Variants in CAST observed in about 807,000 individuals in gnomAD.
CAST encodes MIR583 host.
CAST carries 76 observed loss-of-function variants against 119.6 expected under a neutral mutation model. The observed-to-expected ratio is 0.64, with a 90% CI of 0.53 to 0.77. The LOEUF is 0.77. Among genes scored for constraint, CAST ranks in the 30% least tolerant of loss-of-function variants. The pLI is 0.00. For synonymous variants in CAST, 319 were observed against 331.6 expected (o/e 0.96, Z 0.41); for missense variants, 953 against 946.5 (o/e 1.01, Z -0.09).
At chr5:96,177,637 A>G in the CAST span, among the ~76,000 whole-genome samples, 1 of 152,214 alleles carries the variant, frequency 6.6e-6, no homozygotes, top group Non-Finnish European at 1.5e-5. Flanking sequence ...TGTGGCATCT[A>G]GTCAGCTCAT....
chr5:96,577,149 T>G (rs1746687292), intron 1 of CAST, among the ~76,000 whole-genome samples: 1 of 152,132 alleles, frequency 6.6e-6, no homozygotes, highest in African/African-American at 2.4e-5. Flanking sequence ...ATGTCCCAGT[T>G]TGTGGTTTTT....
the CAST span, among the ~76,000 whole-genome samples, chr5:96,310,724 A>G: frequency 6.6e-6 from 1 of 151,066 alleles, no homozygotes; most frequent in Non-Finnish European, 1.5e-5. Context: ...TTGGCATATA[A>G]TTGTTCTTTT....
intron 22 of CAST, among the ~76,000 whole-genome samples, chr5:96,756,001 A>AAGG (rs1766235129): frequency 6.6e-6 from 1 of 152,162 alleles, no homozygotes; most frequent in South Asian, 2.1e-4. Context: ...AGTAGTGTTT[A>AAGG]AGGAAGCAGT....
the CAST span, among the ~76,000 whole-genome samples, chr5:96,243,084 A>G: frequency 6.6e-5 from 10 of 152,090 alleles, no homozygotes; most frequent in Non-Finnish European, 1.0e-4. Flanking sequence ...TTTCTGTGTT[A>G]GGCAGAACAC....
At chr5:96,394,922 G>T in the CAST span, 2 of 1,614,124 alleles carry the variant, frequency 1.2e-6, no homozygotes, top group Non-Finnish European at 1.7e-6. Context: ...AGTGTTGTAG[G>T]ACGTGTACAC....
the CAST span, among the ~76,000 whole-genome samples, chr5:96,078,796 G>C: frequency 6.6e-6 from 1 of 152,142 alleles, no homozygotes; most frequent in East Asian, 1.9e-4. Context: ...TGACATGGAT[G>C]GAGCTGGAAA....
the CAST span, among the ~76,000 whole-genome samples, chr5:96,131,535 G>C: frequency 6.6e-6 from 1 of 152,116 alleles, no homozygotes; most frequent in Admixed American, 6.6e-5. Flanking sequence ...AAATGGCAGA[G>C]CTGCAGCAAT....
upstream of CAST, among the ~76,000 whole-genome samples, chr5:96,522,140 G>T (rs80008366): frequency 6.6e-6 from 1 of 151,914 alleles, no homozygotes; most frequent in Non-Finnish European, 1.5e-5. Flanking sequence ...ACTAGAGAAA[G>T]GTCAAACCTC....
At chr5:96,061,410 C>G in the CAST span, among the ~76,000 whole-genome samples, 1 of 152,102 alleles carries the variant, frequency 6.6e-6, no homozygotes, top group Non-Finnish European at 1.5e-5. Flanking sequence ...AAAGCCCATG[C>G]CATCTATCAT....
chr5:96,272,597 A>T, the CAST span, among the ~76,000 whole-genome samples: 2 of 152,144 alleles, frequency 1.3e-5, no homozygotes, highest in Non-Finnish European at 2.9e-5. Context: ...AGAGGCCAAA[A>T]ATGGTAGGGA....
At chr5:96,094,632 A>G in the CAST span, among the ~76,000 whole-genome samples, 1 of 152,152 alleles carries the variant, frequency 6.6e-6, no homozygotes, top group Non-Finnish European at 1.5e-5. Context: ...CATTTTACTG[A>G]TAAAGATATG....
the CAST span, among the ~76,000 whole-genome samples, chr5:95,977,814 T>C: frequency 2.8e-4 from 42 of 152,138 alleles, no homozygotes; most frequent in African/African-American, 9.9e-4. Context: ...CCCTACACTC[T>C]CAGGAAGAAC....
At chr5:96,390,419 T>C in the CAST span, 7 of 152,266 alleles carry the variant, frequency 4.6e-5, no homozygotes, top group Non-Finnish European at 1.0e-4. Context: ...TTACATATTC[T>C]GGTCAATACA....
the CAST span, among the ~76,000 whole-genome samples, chr5:96,230,650 C>G: frequency 7.2e-3 from 1,100 of 152,200 alleles, 18 homozygotes; most frequent in African/African-American, 0.026. Context: ...TTAACTTGGT[C>G]TTCACCAAGG....
At chr5:96,073,182 A>C in the CAST span, among the ~76,000 whole-genome samples, 1 of 152,196 alleles carries the variant, frequency 6.6e-6, no homozygotes, top group Non-Finnish European at 1.5e-5. Flanking sequence ...TCCACATAAT[A>C]CAAGTTGTGT....
intron 1 of CAST, among the ~76,000 whole-genome samples, chr5:96,646,838 A>G (rs1196576495): frequency 5.9e-5 from 9 of 152,232 alleles, no homozygotes; most frequent in Admixed American, 5.9e-4. Flanking sequence ...AAAGCTTATC[A>G]CTTAGAATCT....
intron 1 of CAST, among the ~76,000 whole-genome samples, chr5:96,570,625 G>A (rs377082926): frequency 4.9e-4 from 75 of 152,098 alleles, no homozygotes; most frequent in African/African-American, 1.7e-3. Flanking sequence ...AGGTAAAGAG[G>A]ATGCTTAAAA....
intron 29 of CAST, chr5:96,769,760 G>A (rs1479071876): frequency 1.3e-5 from 2 of 150,632 alleles, no homozygotes; most frequent in South Asian, 2.1e-4. Context: ...TACCATGGTC[G>A]CCATGTTTTA....
At chr5:96,735,927 C>CT (rs2150485148) in intron 9 of CAST, among the ~76,000 whole-genome samples, 1 of 152,310 alleles carries the variant, frequency 6.6e-6, no homozygotes, top group Admixed American at 6.5e-5. Context: ...CATTCTGTCC[C>CT]TTACTGTGTA....
Sources: allele counts gnomAD v4.1 joint callset (sites outside exome capture counted in the v4.1 genomes callset), GRCh38; gene constraint gnomAD v4.1.1; transcripts MANE v1.5; gene names NCBI Gene and HGNC (gene_info 2026-07-23, HGNC 2026-07-21).